Variants in SPOCK1 observed in about 807,000 individuals in gnomAD.
The protein encoded by SPOCK1 is testican-1.
A neutral mutation model predicts 55.3 loss-of-function variants in SPOCK1; 23 were observed. That is an observed-to-expected ratio of 0.42 (90% CI 0.30 to 0.59). The LOEUF (loss-of-function observed/expected upper bound fraction) is 0.59, where lower values mean the gene tolerates loss of function less well. Ranked by LOEUF, SPOCK1 falls within the 20% of genes least tolerant of loss-of-function variation. The probability of loss-of-function intolerance (pLI) is 0.22; values close to 1 mark genes in which losing one functional copy is unlikely to be tolerated. For missense variants in SPOCK1, 499 were observed against 552.5 expected (o/e 0.90, Z 0.97); for synonymous variants, 226 against 221.0 (o/e 1.02, Z -0.20).
At chr5:137,161,864 T>C (rs1192109536) in intron 3 of SPOCK1, among the ~76,000 whole-genome samples, 3 of 152,146 alleles carry the variant, frequency 2.0e-5, no homozygotes, top group Non-Finnish European at 4.4e-5. Context: ...CAATTTCCAT[T>C]ACGTAAGAAT....
intron 3 of SPOCK1, among the ~76,000 whole-genome samples, chr5:137,237,502 C>G (rs1004268199): frequency 1.3e-5 from 2 of 152,226 alleles, no homozygotes; most frequent in East Asian, 3.8e-4. Flanking sequence ...GTAAATGATG[C>G]TTTACTGACG....
intron 3 of SPOCK1, among the ~76,000 whole-genome samples, chr5:137,254,949 C>T (rs1580831810): frequency 1.3e-5 from 2 of 152,234 alleles, no homozygotes; most frequent in Non-Finnish European, 2.9e-5. Flanking sequence ...GTTCCCAATG[C>T]TAATCAGTTA....
chr5:137,044,777 A>G (rs988938208), intron 6 of SPOCK1, among the ~76,000 whole-genome samples: 36 of 144,430 alleles, frequency 2.5e-4, no homozygotes, highest in Non-Finnish European at 4.3e-4. Context: ...ATATCTCCCA[A>G]TGCTATCCCT....
rs373491554 is a variant in SPOCK1 at position 137,140,564 on chromosome 5, G to A, written c.347+16C>T. 5.5e-5 allele frequency: 89 copies of A among 1,606,098 alleles called. No individual in the cohort carries two copies. The highest frequency in any genetic ancestry group is 1.7e-4 in the Middle Eastern group (1 of 6,040). On this transcript the variant is annotated intron_variant, in intron 4 of 10. Coordinates refer to ENST00000394945, the MANE Select transcript of SPOCK1 (RefSeq NM_004598.4). ...GAATGCCTCCCAGCCCCCAGCCCCCGGCCTTCCTGCCTTACCTGGGGAGCA... is the reference window on the plus strand; with the variant it reads ...GAATGCCTCCCAGCCCCCAGCCCCCAGCCTTCCTGCCTTACCTGGGGAGCA...
chr5:137,331,724 G>A (rs924710563), intron 2 of SPOCK1, among the ~76,000 whole-genome samples: 4 of 152,114 alleles, frequency 2.6e-5, no homozygotes, highest in African/African-American at 4.8e-5. Flanking sequence ...ACTCATCACC[G>A]AGGGGATGGT....
intron 2 of SPOCK1, among the ~76,000 whole-genome samples, chr5:137,451,143 AG>A (rs1753247299): frequency 6.6e-6 from 1 of 152,170 alleles, no homozygotes; most frequent in Non-Finnish European, 1.5e-5. Flanking sequence ...CACAGGCCAC[AG>A]GGTAGATCAC....
At chr5:137,463,588 T>C (rs1753539241) in intron 2 of SPOCK1, among the ~76,000 whole-genome samples, 1 of 151,398 alleles carries the variant, frequency 6.6e-6, no homozygotes, top group South Asian at 2.1e-4. Context: ...ATAGAATAAA[T>C]AAGACCTAGT....
chr5:137,213,458 C>T (rs1174856775), intron 3 of SPOCK1, among the ~76,000 whole-genome samples: 1 of 152,174 alleles, frequency 6.6e-6, no homozygotes, highest in African/African-American at 2.4e-5. Context: ...CATTTTACGC[C>T]ATCAAACCTC....
chr5:136,978,163 G>C lies in SPOCK1; in HGVS notation c.*491C>G, dbSNP rs2126955781. ...AATAATAATCACCGGCAGTAACGGG[G>C]GCAGGGGGAAAAAGTACAGTGTGGT... is the stretch of plus-strand genomic sequence containing the variant. On this transcript the variant is annotated 3_prime_UTR_variant, in exon 11 of 11. Transcript: ENST00000394945. 1 of 381,870 alleles carries C rather than the reference G, an allele frequency of 2.6e-6. No individual in the cohort carries two copies. Among genetic ancestry groups the C allele is most frequent in the East Asian group, 3.7e-5 (1 of 27,008 alleles). 23.7% of individuals were successfully genotyped at this position (381,870 alleles called of 1,614,324 possible). A position where few individuals can be genotyped will look rare whatever the true frequency, so the allele number is the denominator to read the frequency against.
intron 4 of SPOCK1, among the ~76,000 whole-genome samples, chr5:137,135,506 T>C (rs1228889687): frequency 6.6e-6 from 1 of 152,192 alleles, no homozygotes; most frequent in East Asian, 1.9e-4. Context: ...AGCACAAGGT[T>C]GTAATAAAAA....
At chr5:137,062,300 G>A (rs1180243573) in intron 6 of SPOCK1, among the ~76,000 whole-genome samples, 3 of 151,970 alleles carry the variant, frequency 2.0e-5, no homozygotes, top group African/African-American at 2.4e-5. Context: ...TCCTCACCTC[G>A]GGGAAGGGGA....
chr5:136,982,323 A>G (rs746514338), intron 9 of SPOCK1, among the ~76,000 whole-genome samples: 3 of 152,172 alleles, frequency 2.0e-5, no homozygotes, highest in Admixed American at 1.3e-4. Flanking sequence ...TTTAATTTCA[A>G]CTTTCTGTGG....
At chr5:136,988,378 AG>A (rs1561571940) in intron 8 of SPOCK1, 43 bp downstream of exon 8, 3 of 1,550,760 alleles carry the variant, frequency 1.9e-6, no homozygotes, top group Non-Finnish European at 2.7e-6. Flanking sequence ...TGCTCCAGCA[AG>A]GCTGCCCTGG....
chr5:137,308,997 C>T (rs1313792138), intron 2 of SPOCK1, among the ~76,000 whole-genome samples: 1 of 152,162 alleles, frequency 6.6e-6, no homozygotes. Flanking sequence ...CTGTGGTTAT[C>T]TCCAGGTGGT....
chr5:136,997,031 G>C (rs1751054883), intron 6 of SPOCK1, among the ~76,000 whole-genome samples: 1 of 152,082 alleles, frequency 6.6e-6, no homozygotes, highest in African/African-American at 2.4e-5. Flanking sequence ...GAGACCATGA[G>C]CCCACTGGAA....
In SPOCK1 at chr5:137,295,130, T is replaced by C. The variant is rs1343244875; in HGVS notation, c.187-28075A>G. Among the ~76,000 whole-genome samples the C allele has an allele frequency of 2.0e-5, 3 of 152,380 alleles. No homozygotes were observed. The East Asian group carries it at 5.8e-4, about 29-fold the overall frequency. On this transcript the variant is annotated intron_variant, in intron 2 of 10. Transcript: ENST00000394945. ...CCAGCACTTGACCCACGGGAGATAC[T>C]GCACAAATACCCTGAATAAATACCT...
intron 2 of SPOCK1, among the ~76,000 whole-genome samples, chr5:137,456,733 T>C (rs1580937534): frequency 1.3e-5 from 2 of 152,232 alleles, no homozygotes; most frequent in Non-Finnish European, 2.9e-5. Flanking sequence ...ATAGGGACTA[T>C]GACAGAAGTC....
rs139005731 is a variant in SPOCK1 at position 137,012,224 on chromosome 5, G to C, written c.590-19624C>G. Reference sequence around the variant, plus strand: ...AGTTACAAAACATGTCTAAGTCAAGGAGCTAATAAGTGGCAGAACTGGGAG... The same window carrying C: ...AGTTACAAAACATGTCTAAGTCAAGCAGCTAATAAGTGGCAGAACTGGGAG... On this transcript the variant is annotated intron_variant, in intron 6 of 10. Transcript: ENST00000394945. Among the ~76,000 whole-genome samples the C allele has an allele frequency of 1.0e-3, 154 of 152,232 alleles. 1 individual carries two copies. The highest frequency in any genetic ancestry group is 3.6e-3 in the African/African-American group (150 of 41,540).
chr5:137,316,504 C>T (rs752499773), intron 2 of SPOCK1, among the ~76,000 whole-genome samples: 9 of 152,194 alleles, frequency 5.9e-5, no homozygotes, highest in Non-Finnish European at 1.0e-4. Flanking sequence ...GAGCTAAAGG[C>T]TGAGAGCTGG....
Sources: gnomAD v4.1 joint callset for allele counts (sites outside exome capture counted in the v4.1 genomes callset) on GRCh38, gnomAD v4.1.1 for gene constraint, MANE v1.5 for transcripts, NCBI Gene and HGNC (gene_info 2026-07-23, HGNC 2026-07-21) for gene names.